Variants in GOT1L1 observed in about 807,000 individuals in gnomAD.
The protein encoded by GOT1L1 is glutamic-oxaloacetic transaminase 1 like 1.
Under a neutral mutation model 43.6 loss-of-function variants are expected in GOT1L1, and 38 were observed. The ratio of observed to expected loss-of-function variants is 0.87; its 90% CI spans 0.67 to 1.14. The LOEUF is 1.14. Among genes scored for constraint, GOT1L1 ranks in the 50% most tolerant of loss-of-function variants. GOT1L1 has a pLI of 0.00. For synonymous variants in GOT1L1, 183 were observed against 187.2 expected (o/e 0.98, Z 0.18); for missense variants, 482 against 504.0 (o/e 0.96, Z 0.42).
At chr8:37,936,594 G>C in intron 6 of GOT1L1, 126 bp downstream of exon 6, 1 of 802,358 alleles carries the variant, frequency 1.2e-6, no homozygotes, top group Non-Finnish European at 2.0e-6. Context: ...CCCCACTTCT[G>C]CTTCTATAGT....
rs932566817 is a variant in GOT1L1, at chr8:37,936,846, C to A, written c.637G>T (p.Asp213Tyr). 2.5e-6 allele frequency: 4 copies of A among 1,609,870 alleles called. No individual in the cohort carries two copies. The highest frequency in any genetic ancestry group is 3.4e-6 in the Non-Finnish European group (4 of 1,176,932). Reference sequence around the variant, plus strand: ...GTGTATAAACCTTGACAGGGAATATCAAAAAATGGGAATATCTGCTTGCTC... The same window carrying A: ...GTGTATAAACCTTGACAGGGAATATAAAAAAATGGGAATATCTGCTTGCTC... The part of the protein sequence containing the change: ...IKSKQIFPFF[D>Y]IPCQGLYTSD... Residue 213 changes from aspartate (D) to tyrosine (Y), a missense_variant, in exon 6 of 9, where the codon GAT becomes TAT. Physicochemically the swap from Asp to Tyr is radical, Grantham distance 160 (BLOSUM62 -3). Transcript: ENST00000307599.
chr8:37,938,217 T>C (rs182925565), intron 2 of GOT1L1, among the ~76,000 whole-genome samples: 36 of 152,254 alleles, frequency 2.4e-4, no homozygotes, highest in Middle Eastern at 3.4e-3. Flanking sequence ...GCCAACATGG[T>C]GAAACCCTGT....
At chr8:37,938,654 C>A in intron 2 of GOT1L1, 46 bp downstream of exon 2, 1 of 1,503,064 alleles carries the variant, frequency 6.7e-7, no homozygotes, top group Non-Finnish European at 8.9e-7. Flanking sequence ...ACCCAGATCG[C>A]CACTCTCTGT....
chr8:37,937,219 A>T, intron 4 of GOT1L1, 58 bp downstream of exon 4: 1 of 1,261,982 alleles, frequency 7.9e-7, no homozygotes, highest in Non-Finnish European at 1.1e-6. Flanking sequence ...TGGGGAGGAG[A>T]GGAACATTAG....
intron 1 of GOT1L1, among the ~76,000 whole-genome samples, 199 bp downstream of exon 1, chr8:37,939,716 C>G (rs554065063): frequency 1.3e-5 from 2 of 152,000 alleles, no homozygotes; most frequent in South Asian, 4.2e-4. Flanking sequence ...CTAGAAGCCC[C>G]CAGAGAAGGG....
At chr8:37,939,858 T>C (rs1271748978) in intron 1 of GOT1L1, 57 bp downstream of exon 1, 10 of 1,541,088 alleles carry the variant, frequency 6.5e-6, no homozygotes, top group Non-Finnish European at 8.8e-6. Context: ...AACACTGTCC[T>C]CCTAGAGGCA....
chr8:37,940,114 C>T lies in GOT1L1; in HGVS notation c.-85G>A, dbSNP rs916807027. 87 of 1,486,554 alleles carry T rather than the reference C, an allele frequency of 5.9e-5. No individual in the cohort carries two copies. In the Middle Eastern group the frequency reaches 7.0e-4, roughly 12 times the overall value. 92.1% of individuals were successfully genotyped at this position (1,486,554 alleles called of 1,614,324 possible). A position where few individuals can be genotyped will look rare whatever the true frequency, so the allele number is the denominator to read the frequency against. ...CAGAAGTCTTCCTCCAAGGCTGGGC[C>T]GGGCAGTCCTGCCTCTTCCTGGAAC... On this transcript the variant is annotated 5_prime_UTR_variant, in exon 1 of 9. Coordinates refer to ENST00000307599, the MANE Select transcript of GOT1L1 (RefSeq NM_152413.3).
At chr8:37,939,431 A>AAAAAAAAAAAAAAT (rs1237987679) in intron 1 of GOT1L1, among the ~76,000 whole-genome samples, 2 of 41,696 alleles carry the variant, frequency 4.8e-5, no homozygotes, top group African/African-American at 1.7e-4. Context: ...AAAAAAAAAA[A>AAAAAAAAAAAAAAT]ATATATATAT....
rs1337734190 is a variant in GOT1L1, at chr8:37,936,955, T to A, written c.612+10A>T. The A allele has an allele frequency of 6.2e-7, 1 of 1,613,236 alleles. No homozygotes were observed. The highest frequency in any genetic ancestry group is 1.3e-5 in the African/African-American group (1 of 74,864). On this transcript the variant is annotated intron_variant, in intron 5 of 8. Transcript: ENST00000307599. ...AAAGACAGGAAGGTCGGGTGGGAGA[T>A]TGGGTTTACCTTTATCATGGACATC...
chr8:37,938,224 C>G (rs1807818144), intron 2 of GOT1L1, among the ~76,000 whole-genome samples: 1 of 152,144 alleles, frequency 6.6e-6, no homozygotes, highest in Non-Finnish European at 1.5e-5. Flanking sequence ...TGGTGAAACC[C>G]TGTCTCTACA....
chr8:37,938,780 T>A lies in GOT1L1; in HGVS notation c.217A>T (p.Thr73Ser). Residue 73 changes from threonine to serine, a missense_variant, in exon 2 of 9, where the codon ACC becomes TCC. Transcript: ENST00000307599. ...TGGATGAATGATTTCAGGCCCATGG[T>A]GGGCAAGTACTCATAATTCAGGGAG... is the stretch of plus-strand genomic sequence containing the variant. ...DPSLNYEYLP[T>S]MGLKSFIQAS... The A allele has an allele frequency of 6.2e-7, 1 of 1,612,560 alleles. No homozygotes were observed. Among genetic ancestry groups the A allele is most frequent in the Non-Finnish European group, 8.5e-7 (1 of 1,179,284 alleles).
Position 37,937,328 on chromosome 8 carries a change from C to T in GOT1L1, c.468G>A (p.Trp156Ter). Residue 156 changes from tryptophan (W) to a stop codon, truncating the protein, a stop_gained, in exon 4 of 9, where the codon TGG becomes TGA. Transcript: ENST00000307599. LOFTEE classifies it high-confidence loss of function. Reference sequence around the variant, plus strand: ...GGTCCATGCATAGCTTCTTGGGGTCCCAGACAGAGTATTCATAAACTGTAA... The same window carrying T: ...GGTCCATGCATAGCTTCTTGGGGTCTCAGACAGAGTATTCATAAACTGTAA... ...MGFTVYEYSV[W>*]DPKKLCMDPD... is the part of the protein sequence containing the mutation. The T allele has an allele frequency of 1.2e-6, 2 of 1,610,754 alleles. No individual in the cohort carries two copies. Among genetic ancestry groups the T allele is most frequent in the Non-Finnish European group, 1.7e-6 (2 of 1,178,748 alleles).
In GOT1L1 at chr8:37,938,740, A is replaced by G. The variant is rs759024864; in HGVS notation, c.257T>C (p.Leu86Pro). ...LKSFIQASLA[L>P]LFGKHSQAIV... ...GGCTTGGCTGTGCTTTCCAAAGAGG[A>G]GTGCTAGAGAGGCCTGGATGAATGA... is the stretch of plus-strand genomic sequence containing the variant. The change falls in exon 2 of 9, where the codon CTC becomes CCC. Residue 86 changes from leucine to proline, a missense_variant. Coordinates refer to ENST00000307599, the MANE Select transcript of GOT1L1 (RefSeq NM_152413.3). 4.4e-6 allele frequency: 7 copies of G among 1,602,018 alleles called. No homozygotes were observed. The African/African-American group carries it at 9.4e-5, about 21-fold the overall frequency.
rs1807686596 is a variant in GOT1L1 at position 37,934,315 on chromosome 8, G to T, written c.1244C>A (p.Thr415Lys). 6.3e-7 allele frequency: 1 copy of T among 1,579,448 alleles called. No homozygotes were observed. Among genetic ancestry groups the T allele is most frequent in the Admixed American group, 1.7e-5 (1 of 58,844 alleles). ...AGACTAAAGTTTTATTCCAATCAGT[G>T]TTTTTTTTTCCTTTGGAAGACACAT... ...SEMCLPKEKK[T>K]LIGIKL The change falls in exon 9 of 9, where the codon ACA (threonine) becomes AAA (lysine). Residue 415 changes from threonine to lysine, a missense_variant. Transcript: ENST00000307599.
intron 1 of GOT1L1, among the ~76,000 whole-genome samples, chr8:37,939,218 C>A (rs987260735): frequency 1.3e-5 from 2 of 151,438 alleles, no homozygotes; most frequent in African/African-American, 4.8e-5. Flanking sequence ...AGTTCAAGAT[C>A]AGCCTGGGCA....
intron 1 of GOT1L1, 129 bp downstream of exon 1, chr8:37,939,786 T>TAA: frequency 2.3e-6 from 2 of 873,106 alleles, no homozygotes; most frequent in Non-Finnish European, 3.5e-6. Flanking sequence ...GTAATTCTGT[T>TAA]AACAAGAAAA....
chr8:37,938,653 G>T (rs146132130), intron 2 of GOT1L1, 47 bp downstream of exon 2: 1 of 1,499,494 alleles, frequency 6.7e-7, no homozygotes, highest in Non-Finnish European at 9.0e-7. Flanking sequence ...GACCCAGATC[G>T]CCACTCTCTG....
At chr8:37,938,163 C>T (rs544610045) in intron 2 of GOT1L1, among the ~76,000 whole-genome samples, 32 of 152,256 alleles carry the variant, frequency 2.1e-4, no homozygotes, top group Middle Eastern at 3.4e-3. Context: ...TTTGGGAGGA[C>T]GAGGCAGGGA....
rs750294529 is a variant in GOT1L1, at chr8:37,940,079, C to T, written c.-50G>A. Reference sequence around the variant, plus strand: ...ACTATGTGTCTCTGCTCCTGTGTTCCGCTTCTGCCCAGAAGTCTTCCTCCA... The same window carrying T: ...ACTATGTGTCTCTGCTCCTGTGTTCTGCTTCTGCCCAGAAGTCTTCCTCCA... On this transcript the variant is annotated 5_prime_UTR_variant, in exon 1 of 9. Coordinates refer to ENST00000307599, the MANE Select transcript of GOT1L1 (RefSeq NM_152413.3). 5 of 1,559,786 alleles carry T rather than the reference C, an allele frequency of 3.2e-6. No individual in the cohort carries two copies. The highest frequency in any genetic ancestry group is 3.8e-5 in the Admixed American group (2 of 51,952).
Sources: gnomAD v4.1 joint callset for allele counts (sites outside exome capture counted in the v4.1 genomes callset) on GRCh38, gnomAD v4.1.1 for gene constraint, MANE v1.5 for transcripts, NCBI Gene and HGNC (gene_info 2026-07-23, HGNC 2026-07-21) for gene names.